Variants in TGM6 observed in about 807,000 individuals in gnomAD.
TGM6 encodes protein-glutamine gamma-glutamyltransferase 6.
Under a neutral mutation model 77.5 loss-of-function variants are expected in TGM6, and 74 were observed. The observed-to-expected ratio is 0.96, with a 90% CI of 0.79 to 1.16. The LOEUF (loss-of-function observed/expected upper bound fraction) is 1.16. Among genes scored for constraint, TGM6 ranks in the 50% most tolerant of loss-of-function variants. The probability of loss-of-function intolerance (pLI) is 0.00; values close to 1 mark genes in which losing one functional copy is unlikely to be tolerated. For missense variants in TGM6, 968 were observed against 940.2 expected (o/e 1.03, Z -0.39); for synonymous variants, 383 against 378.9 (o/e 1.01, Z -0.12).
At chr20:2,412,259 TTA>T (rs2084789326) in intron 9 of TGM6, among the ~76,000 whole-genome samples, 1 of 152,154 alleles carries the variant, frequency 6.6e-6, no homozygotes, top group African/African-American at 2.4e-5. Flanking sequence ...ATGAGGCCGC[TTA>T]TATCTATGAA....
intron 6 of TGM6, 66 bp downstream of exon 6, chr20:2,399,804 C>A: frequency 7.5e-7 from 1 of 1,337,740 alleles, no homozygotes; most frequent in Non-Finnish European, 1.0e-6. Context: ...AATGTATTTA[C>A]ATATATTTGC....
chr20:2,388,476 G>T (rs192353033), intron 1 of TGM6, among the ~76,000 whole-genome samples: 1 of 152,126 alleles, frequency 6.6e-6, no homozygotes, highest in African/African-American at 2.4e-5. Flanking sequence ...CACTTAGAAG[G>T]CTGTGTAACT....
rs1461263921 is a variant in TGM6 at position 2,430,954 on chromosome 20, C to T, written c.1894C>T (p.Leu632Phe). Residue 632 changes from leucine (L) to phenylalanine (F), a missense_variant, in exon 12 of 13, where the codon CTC becomes TTC. Leu to Phe is a conservative substitution (Grantham distance 22, BLOSUM62 0). Transcript: ENST00000202625. ...AGTGGAAGTGACAGTAGTCAACCCC[C>T]TCATAGAGAGAGTGAAGGACTGTGC... is the stretch of plus-strand genomic sequence containing the variant. ...VTVEVTVVNPLIERVKDCALM... is the reference protein window; with the variant it reads ...VTVEVTVVNPFIERVKDCALM... The T allele has an allele frequency of 1.2e-6, 2 of 1,614,166 alleles. No homozygotes were observed. The highest frequency in any genetic ancestry group is 2.2e-5 in the East Asian group (1 of 44,880).
chr20:2,422,063 C>T (rs142506643), intron 10 of TGM6, among the ~76,000 whole-genome samples: 2,447 of 152,132 alleles, frequency 0.016, 31 homozygotes, highest in Non-Finnish European at 0.026. Flanking sequence ...ACCCGGGAGG[C>T]GGAGGTTGCA....
Position 2,397,950 on chromosome 20 carries a change from C to T in TGM6, c.576C>T (p.Ser192=). 6.2e-7 allele frequency: 1 copy of T among 1,614,146 alleles called. No homozygotes were observed. Among genetic ancestry groups the T allele is most frequent in the East Asian group, 2.2e-5 (1 of 44,872 alleles). The change falls in exon 5 of 13, where the codon TCC becomes TCT. Residue 192 remains serine (S), a synonymous_variant. Coordinates refer to ENST00000202625, the MANE Select transcript of TGM6 (RefSeq NM_198994.3). Reference sequence around the variant, plus strand: ...AGGACATCCTGAACATCTGCCTCTCCATCCTGGATCGAAGCCCCGGTCACC... The same window carrying T: ...AGGACATCCTGAACATCTGCCTCTCTATCCTGGATCGAAGCCCCGGTCACC... ...FEEDILNICL[S]ILDRSPGHQN... is the part of the protein sequence containing the mutation.
At chr20:2,382,990 G>T (rs2084566567) in intron 1 of TGM6, among the ~76,000 whole-genome samples, 1 of 152,184 alleles carries the variant, frequency 6.6e-6, no homozygotes, top group Non-Finnish European at 1.5e-5. Flanking sequence ...TGTATGTGAG[G>T]CTGGCTCTGG....
intron 10 of TGM6, among the ~76,000 whole-genome samples, chr20:2,429,810 C>T (rs1302714089): frequency 1.3e-5 from 2 of 151,736 alleles, no homozygotes; most frequent in Non-Finnish European, 2.9e-5. Context: ...TCCATGCTTA[C>T]AAGAAAAGAA....
At position 2,395,246 on chromosome 20, in the gene TGM6, G is replaced by A. The variant is rs774204721; in HGVS notation, c.234G>A (p.Glu78=). 33 of 1,614,086 alleles carry A rather than the reference G, an allele frequency of 2.0e-5. 1 individual carries two copies. Among genetic ancestry groups the A allele is most frequent in the East Asian group, 8.9e-5 (4 of 44,876 alleles). Residue 78 remains glutamate (E), a synonymous_variant, in exon 3 of 13, where the codon GAG becomes GAA. Coordinates refer to ENST00000202625, the MANE Select transcript of TGM6 (RefSeq NM_198994.3). The part of the protein sequence containing the change: ...LHTKAVFQTS[E]LERGEGWTAA... The stretch of plus-strand genomic sequence containing the variant: ...CCAAAGCTGTGTTCCAGACATCGGA[G>A]CTGGAGCGGGGTGAGGGCTGGACAG...
chr20:2,391,243 T>C (rs1216657892), intron 1 of TGM6, among the ~76,000 whole-genome samples: 1 of 151,952 alleles, frequency 6.6e-6, no homozygotes, highest in African/African-American at 2.4e-5. Context: ...TTAGGAGGCA[T>C]AAGCACTTGA....
intron 12 of TGM6, among the ~76,000 whole-genome samples, chr20:2,431,607 G>T (rs903895933): frequency 5.3e-5 from 8 of 152,204 alleles, no homozygotes; most frequent in Non-Finnish European, 1.2e-4. Context: ...CCTGGAGAAG[G>T]GCTCTCAGAT....
In TGM6 at chr20:2,399,570, A is replaced by G; in HGVS notation, c.682A>G (p.Asn228Asp). Residue 228 changes from asparagine to aspartate, a missense_variant, in exon 6 of 13, where the codon AAC (asparagine) becomes GAC (aspartate). Physicochemically the swap from Asn to Asp is conservative, Grantham distance 23. Coordinates refer to ENST00000202625, the MANE Select transcript of TGM6 (RefSeq NM_198994.3). Reference sequence around the variant, plus strand: ...GCCCTCCTCTGCCCAGGTGAACAGCAACAACGACCGAGGTGTGGTGCAAGG... The same window carrying G: ...GCCCTCCTCTGCCCAGGTGAACAGCGACAACGACCGAGGTGTGGTGCAAGG... ...TRVISAMVNS[N>D]NDRGVVQGQW... 3 of 1,612,798 alleles carry G rather than the reference A, an allele frequency of 1.9e-6. No individual in the cohort carries two copies. Among genetic ancestry groups the G allele is most frequent in the Non-Finnish European group, 2.5e-6 (3 of 1,179,912 alleles).
chr20:2,402,869 C>T (rs1479457213), intron 7 of TGM6, among the ~76,000 whole-genome samples: 2 of 152,230 alleles, frequency 1.3e-5, no homozygotes, highest in African/African-American at 2.4e-5. Context: ...CTTGAACACA[C>T]AAGGCCTTTT....
intron 6 of TGM6, 55 bp downstream of exon 6, chr20:2,399,793 A>G: frequency 6.8e-7 from 1 of 1,478,618 alleles, no homozygotes; most frequent in Non-Finnish European, 9.2e-7. Context: ...TCCTCTATCT[A>G]AATGTATTTA....
intron 1 of TGM6, among the ~76,000 whole-genome samples, 200 bp downstream of exon 1, chr20:2,381,175 A>G (rs931781031): frequency 2.0e-5 from 3 of 152,162 alleles, no homozygotes; most frequent in African/African-American, 7.2e-5. Flanking sequence ...CAGCAAGGCC[A>G]TGGCCCAGGC....
intron 10 of TGM6, among the ~76,000 whole-genome samples, chr20:2,418,826 T>C (rs367667944): frequency 4.6e-4 from 70 of 151,692 alleles, no homozygotes; most frequent in Middle Eastern, 3.4e-3. Context: ...CCTGTAATCC[T>C]AGCATTTTGG....
At chr20:2,389,154 T>TCA (rs2084614927) in intron 1 of TGM6, among the ~76,000 whole-genome samples, 1 of 152,052 alleles carries the variant, frequency 6.6e-6, no homozygotes, top group Non-Finnish European at 1.5e-5. Context: ...TCCACCATGG[T>TCA]CTCTCAGGTC....
At chr20:2,400,961 C>T (rs544774875) in intron 7 of TGM6, among the ~76,000 whole-genome samples, 1 of 152,198 alleles carries the variant, frequency 6.6e-6, no homozygotes, top group African/African-American at 2.4e-5. Context: ...ATTGCTTGAA[C>T]CCAGGAGGCA....
rs1396544828 is a variant in TGM6 at position 2,394,722 on chromosome 20, C to T, written c.181+97C>T. On this transcript the variant is annotated intron_variant, in intron 2 of 12. Coordinates refer to ENST00000202625, the MANE Select transcript of TGM6 (RefSeq NM_198994.3). ...GACCTTGCAGTCAGCAGCTCAGGCTCTGGGGGAAGCAAGTCACTGTAGGTA... is the reference window on the plus strand; with the variant it reads ...GACCTTGCAGTCAGCAGCTCAGGCTTTGGGGGAAGCAAGTCACTGTAGGTA... 3 of 1,359,222 alleles carry T rather than the reference C, an allele frequency of 2.2e-6. No individual in the cohort carries two copies. In the East Asian group the frequency reaches 7.5e-5, roughly 34 times the overall value. 84.2% of individuals were successfully genotyped at this position (1,359,222 alleles called of 1,614,324 possible). A position where few individuals can be genotyped will look rare whatever the true frequency, so the allele number is the denominator to read the frequency against.
chr20:2,420,887 C>T (rs568580029), intron 10 of TGM6, among the ~76,000 whole-genome samples: 3 of 152,276 alleles, frequency 2.0e-5, no homozygotes, highest in African/African-American at 7.2e-5. Context: ...ATCCATTCAC[C>T]TACTGAAGGA....
Sources: gnomAD v4.1 joint callset for allele counts (sites outside exome capture counted in the v4.1 genomes callset) on GRCh38, gnomAD v4.1.1 for gene constraint, MANE v1.5 for transcripts, NCBI Gene and HGNC (gene_info 2026-07-23, HGNC 2026-07-21) for gene names.